Variants in SSH2 observed in about 807,000 individuals in gnomAD.
The protein encoded by SSH2 is slingshot protein phosphatase 2.
In SSH2, 37 loss-of-function variants were observed where a neutral mutation model predicts 135.2. The observed-to-expected ratio is 0.27, with a 90% CI of 0.21 to 0.36. The LOEUF is 0.36. Ranked by LOEUF, SSH2 falls within the 10% of genes least tolerant of loss-of-function variation. SSH2 has a pLI of 1.00. For missense variants in SSH2, 1,408 were observed against 1,765.3 expected (o/e 0.80, Z 3.63); for synonymous variants, 628 against 646.2 (o/e 0.97, Z 0.43).
intron 1 of SSH2, chr17:29,928,202 T>C (rs2067104121): frequency 9.4e-6 from 2 of 212,000 alleles, no homozygotes; most frequent in South Asian, 3.7e-4. Flanking sequence ...CCAAAGAGTT[T>C]ACTAGTGGAG....
At chr17:29,639,768 G>A (rs955075724) in intron 14 of SSH2, 35 of 152,128 alleles carry the variant, frequency 2.3e-4, no homozygotes, top group African/African-American at 8.5e-4. Flanking sequence ...TGACTGTTTG[G>A]ATAGGTGGGG....
At chr17:29,773,469 C>A (rs887511718) in intron 3 of SSH2, among the ~76,000 whole-genome samples, 2 of 152,092 alleles carry the variant, frequency 1.3e-5, no homozygotes, top group Admixed American at 6.5e-5. Context: ...GAATAGATGG[C>A]AAACATTTTG....
At position 29,768,061 on chromosome 17, in the gene SSH2, A is replaced by G. The variant is rs530308298; in HGVS notation, c.188+25833T>C. Among the ~76,000 whole-genome samples, 8 of 152,218 alleles carry G rather than the reference A, an allele frequency of 5.3e-5. No homozygotes were observed. The South Asian group carries it at 1.7e-3, about 32-fold the overall frequency. Reference sequence around the variant, plus strand: ...GTTTTTTATTTTCCTGTGCATTATTAGTGTCTCCTGCTACTCCATGATCTA... The same window carrying G: ...GTTTTTTATTTTCCTGTGCATTATTGGTGTCTCCTGCTACTCCATGATCTA... On this transcript the variant is annotated intron_variant, in intron 3 of 15. Transcript: ENST00000540801.
chr17:29,854,949 A>G lies in SSH2; in HGVS notation c.64-6020T>C, dbSNP rs188227259. Among the ~76,000 whole-genome samples the G allele has an allele frequency of 3.1e-3, 478 of 151,808 alleles. 3 individuals are homozygous for G. The highest frequency in any genetic ancestry group is 5.6e-3 in the Non-Finnish European group (382 of 67,884). Reference sequence around the variant, plus strand: ...GAGACAGAGCAAGACTCCATCTAAAAAACAAACAAACAAACAAACAACGAA... The same window carrying G: ...GAGACAGAGCAAGACTCCATCTAAAGAACAAACAAACAAACAAACAACGAA... On this transcript the variant is annotated intron_variant, in intron 1 of 15. Transcript: ENST00000540801.
intron 1 of SSH2, among the ~76,000 whole-genome samples, chr17:29,877,712 G>A (rs1387555108): frequency 2.0e-5 from 3 of 151,840 alleles, no homozygotes; most frequent in African/African-American, 4.8e-5. Context: ...ATGGTTAACA[G>A]AGGCTGAGAA....
intron 2 of SSH2, among the ~76,000 whole-genome samples, chr17:29,811,700 C>G (rs2042445570): frequency 6.6e-6 from 1 of 152,064 alleles, no homozygotes; most frequent in African/African-American, 2.4e-5. Context: ...TCCCAACTAG[C>G]TGGGACTACA....
chr17:29,760,517 A>G (rs987545493), intron 3 of SSH2, among the ~76,000 whole-genome samples: 2 of 152,130 alleles, frequency 1.3e-5, no homozygotes, highest in Non-Finnish European at 2.9e-5. Flanking sequence ...CTCTCTAGAG[A>G]CTTCAAAAAC....
intron 3 of SSH2, among the ~76,000 whole-genome samples, chr17:29,790,601 C>T (rs1240736683): frequency 6.6e-6 from 1 of 152,142 alleles, no homozygotes; most frequent in Non-Finnish European, 1.5e-5. Flanking sequence ...TGCCTTTTCA[C>T]TCTGTTGATA....
chr17:29,636,707 T>C lies in SSH2; in HGVS notation c.1523A>G (p.Lys508Arg). 1.2e-6 allele frequency: 2 copies of C among 1,614,178 alleles called. No individual in the cohort carries two copies. Among genetic ancestry groups the C allele is most frequent in the South Asian group, 1.1e-5 (1 of 91,082 alleles). ...PICKPGLELN[K>R]KDITTSADQI... ...GTCTGCTGAGGTGGTGATATCCTTCTTGTTGAGTTCTAGCCCAGGTTTGCA... is the reference window on the plus strand; with the variant it reads ...GTCTGCTGAGGTGGTGATATCCTTCCTGTTGAGTTCTAGCCCAGGTTTGCA... The change falls in exon 15 of 16, where the codon AAG (lysine) becomes AGG (arginine). Residue 508 changes from lysine to arginine, a missense_variant. Physicochemically the swap from Lys to Arg is conservative, Grantham distance 26. Around this residue, in one of 3 missense-constraint regions of SSH2, gnomAD observed 1,080 missense variants for 1,144.5 expected, o/e 0.94. Transcript: ENST00000540801.
chr17:29,638,509 TACACACACACACACACACAC>T (rs71138839), intron 14 of SSH2, among the ~76,000 whole-genome samples: 96 of 128,962 alleles, frequency 7.4e-4, no homozygotes, highest in Middle Eastern at 3.8e-3. Context: ...TTCTATATTT[TACACACACACACACACACAC>T]ACACACACAC....
At chr17:29,830,039 CTG>C (rs1222189250) in intron 2 of SSH2, among the ~76,000 whole-genome samples, 1 of 152,038 alleles carries the variant, frequency 6.6e-6, no homozygotes, top group Admixed American at 6.6e-5. Flanking sequence ...TGGGGTTTCA[CTG>C]TGTTAGCCAG....
intron 6 of SSH2, among the ~76,000 whole-genome samples, chr17:29,680,023 A>T (rs2037903546): frequency 6.6e-6 from 1 of 152,214 alleles, no homozygotes; most frequent in Non-Finnish European, 1.5e-5. Flanking sequence ...AGGTATAAAG[A>T]CATAACATAC....
chr17:29,774,842 G>A (rs2041662153), intron 3 of SSH2, among the ~76,000 whole-genome samples: 1 of 152,094 alleles, frequency 6.6e-6, no homozygotes, highest in African/African-American at 2.4e-5. Flanking sequence ...GATCAACATT[G>A]CCAACTGTGG....
intron 2 of SSH2, among the ~76,000 whole-genome samples, chr17:29,797,608 A>C (rs2042180359): frequency 6.6e-6 from 1 of 152,176 alleles, no homozygotes; most frequent in South Asian, 2.1e-4. Flanking sequence ...TCACGAACAA[A>C]GTTATTAGCC....
intron 5 of SSH2, among the ~76,000 whole-genome samples, chr17:29,691,769 C>G (rs185933721): frequency 1.2e-3 from 178 of 150,070 alleles, no homozygotes; most frequent in African/African-American, 4.2e-3. Flanking sequence ...GGATTATAGG[C>G]GTGAGCCACT....
At chr17:29,652,951 C>T (rs535485132) in intron 12 of SSH2, among the ~76,000 whole-genome samples, 17 of 152,176 alleles carry the variant, frequency 1.1e-4, no homozygotes, top group African/African-American at 2.2e-4. Flanking sequence ...CCACCTTGCC[C>T]GGCCTCCTTA....
chr17:29,684,327 A>C (rs1218949980), intron 6 of SSH2, among the ~76,000 whole-genome samples: 1 of 152,112 alleles, frequency 6.6e-6, no homozygotes, highest in Non-Finnish European at 1.5e-5. Flanking sequence ...AAATACAAAA[A>C]TTAGTTTGGC....
intron 5 of SSH2, among the ~76,000 whole-genome samples, chr17:29,693,280 TC>T (rs919620516): frequency 2.8e-4 from 43 of 151,216 alleles, no homozygotes; most frequent in African/African-American, 9.5e-4. Context: ...AAGAATAGCA[TC>T]CCCCCCGTTC....
intron 3 of SSH2, chr17:29,780,568 G>A (rs927139239): frequency 2.0e-5 from 3 of 151,398 alleles, no homozygotes; most frequent in African/African-American, 7.3e-5. Context: ...GGGATTACAA[G>A]CGCGCGCCTC....
Sources: gnomAD v4.1 joint callset for allele counts (sites outside exome capture counted in the v4.1 genomes callset) on GRCh38, gnomAD v4.1.1 for gene constraint, gnomAD v4.1.1 regional missense constraint, MANE v1.5 for transcripts, NCBI Gene and HGNC (gene_info 2026-07-23, HGNC 2026-07-21) for gene names.